Variants in AK9 observed in about 807,000 individuals in gnomAD.
The protein encoded by AK9 is adenylate kinase 9.
In AK9, 191 loss-of-function variants were observed where a neutral mutation model predicts 239.6. The observed-to-expected ratio is 0.80, with a 90% CI of 0.71 to 0.90. The LOEUF (loss-of-function observed/expected upper bound fraction) is 0.90. AK9 is among the 40% of genes least tolerant of loss of function. The pLI, the probability that AK9 is intolerant of heterozygous loss-of-function variation, is 0.00. For synonymous variants in AK9, 689 were observed against 721.0 expected, an observed-to-expected ratio of 0.96 and a Z score of 0.71; for missense variants, 1,995 against 2,214.7, an observed-to-expected ratio of 0.90 and a Z score of 1.99.
intron 8 of AK9, among the ~76,000 whole-genome samples, chr6:109,653,116 G>C (rs558865069): frequency 6.6e-6 from 1 of 152,168 alleles, no homozygotes; most frequent in African/African-American, 2.4e-5. Context: ...TAGTAGAGAG[G>C]CGGTTTCACC....
chr6:109,545,554 T>A (rs1434759596), intron 26 of AK9, among the ~76,000 whole-genome samples: 1 of 152,190 alleles, frequency 6.6e-6, no homozygotes, highest in Non-Finnish European at 1.5e-5. Context: ...CCACGTAAGA[T>A]GTGATTTGCT....
intron 35 of AK9, among the ~76,000 whole-genome samples, chr6:109,500,399 G>A (rs1777492439): frequency 6.6e-6 from 1 of 152,150 alleles, no homozygotes; most frequent in Non-Finnish European, 1.5e-5. Flanking sequence ...CCACTGGAAT[G>A]GGGACTTCAA....
intron 35 of AK9, among the ~76,000 whole-genome samples, chr6:109,500,889 A>G (rs1777540117): frequency 6.6e-6 from 1 of 152,106 alleles, no homozygotes; most frequent in African/African-American, 2.4e-5. Context: ...GTGGTGGCAC[A>G]TGCCTGTAGT....
chr6:109,668,541 T>C (rs1801594072), intron 5 of AK9, among the ~76,000 whole-genome samples: 1 of 150,544 alleles, frequency 6.6e-6, no homozygotes, highest in South Asian at 2.2e-4. Flanking sequence ...GTCTAACATT[T>C]AAGTCTTTAA....
chr6:109,599,683 G>A (rs1394990828), intron 17 of AK9, among the ~76,000 whole-genome samples: 11 of 152,192 alleles, frequency 7.2e-5, no homozygotes, highest in African/African-American at 1.2e-4. Flanking sequence ...CCATTTTCAC[G>A]ATATTGATTC....
chr6:109,525,595 G>C (rs953921430), intron 29 of AK9, among the ~76,000 whole-genome samples: 2 of 152,086 alleles, frequency 1.3e-5, no homozygotes, highest in Admixed American at 6.6e-5. Flanking sequence ...AATGCAAATC[G>C]AAAACACAGT....
chr6:109,594,010 G>A (rs1348966344), intron 17 of AK9, among the ~76,000 whole-genome samples: 13 of 152,122 alleles, frequency 8.5e-5, no homozygotes, highest in Non-Finnish European at 1.6e-4. Flanking sequence ...AGAAGTTCTG[G>A]CCAGGAAAAT....
chr6:109,619,486 TCA>T (rs1794571970), intron 12 of AK9, among the ~76,000 whole-genome samples: 1 of 152,086 alleles, frequency 6.6e-6, no homozygotes, highest in Admixed American at 6.6e-5. Flanking sequence ...GTATATATAT[TCA>T]GATTATGTAT....
intron 1 of AK9, among the ~76,000 whole-genome samples, chr6:109,683,337 A>C (rs1357586105): frequency 6.6e-6 from 1 of 152,206 alleles, no homozygotes; most frequent in Non-Finnish European, 1.5e-5. Flanking sequence ...GAAAACTGGC[A>C]CAAAACAAGG....
At chr6:109,510,332 TG>T (rs1778595710) in intron 32 of AK9, among the ~76,000 whole-genome samples, 1 of 152,062 alleles carries the variant, frequency 6.6e-6, no homozygotes. Flanking sequence ...GTACCCTCTC[TG>T]TTGACAGTGG....
intron 26 of AK9, among the ~76,000 whole-genome samples, chr6:109,545,027 A>G (rs1215309666): frequency 6.6e-6 from 1 of 152,220 alleles, no homozygotes; most frequent in Non-Finnish European, 1.5e-5. Flanking sequence ...TATTTAGCAT[A>G]TGATGAATAT....
At chr6:109,525,232 A>G (rs1439703070) in intron 29 of AK9, among the ~76,000 whole-genome samples, 1 of 152,146 alleles carries the variant, frequency 6.6e-6, no homozygotes, top group African/African-American at 2.4e-5. Context: ...TTGTACCAGT[A>G]CCATGCTGTT....
intron 27 of AK9, among the ~76,000 whole-genome samples, chr6:109,538,651 A>C (rs1173700838): frequency 6.6e-6 from 1 of 151,812 alleles, no homozygotes; most frequent in Non-Finnish European, 1.5e-5. Flanking sequence ...TGTCATTATG[A>C]TATTAGCTGG....
At chr6:109,533,784 C>T (rs1256440326) in intron 27 of AK9, among the ~76,000 whole-genome samples, 1 of 151,800 alleles carries the variant, frequency 6.6e-6, no homozygotes, top group African/African-American at 2.4e-5. Context: ...TATAATATTC[C>T]ATACATATAT....
At chr6:109,550,934 T>C (rs1445826148) in intron 24 of AK9, among the ~76,000 whole-genome samples, 1 of 152,228 alleles carries the variant, frequency 6.6e-6, no homozygotes, top group East Asian at 1.9e-4. Flanking sequence ...CACATCACAA[T>C]GTATAAAAAG....
rs575127603 is a variant in AK9, at chr6:109,648,600, T to C, written c.760-3912A>G. ...GCTCTGAAATTGACGCAATAATCAA[T>C]AGCTTACCAAACAAAAAGAGTCCAG... On this transcript the variant is annotated intron_variant, in intron 8 of 40. Transcript: ENST00000424296. 3.9e-5 allele frequency among the ~76,000 whole-genome samples: 6 copies of C among 152,264 alleles called. 1 individual carries two copies. Among genetic ancestry groups the C allele is most frequent in the African/African-American group, 1.4e-4 (6 of 41,540 alleles).
intron 24 of AK9, among the ~76,000 whole-genome samples, chr6:109,553,433 A>T (rs1375603103): frequency 6.6e-6 from 1 of 152,048 alleles, no homozygotes; most frequent in Non-Finnish European, 1.5e-5. Context: ...TGTTAGCTGT[A>T]TTCCTAGGTA....
chr6:109,555,291 G>T (rs1271593518), intron 24 of AK9, among the ~76,000 whole-genome samples: 1 of 152,162 alleles, frequency 6.6e-6, no homozygotes, highest in African/African-American at 2.4e-5. Flanking sequence ...TCAGGAGCAG[G>T]TTGTTCAATT....
At chr6:109,604,603 C>T (rs1427507511) in intron 17 of AK9, among the ~76,000 whole-genome samples, 1 of 152,128 alleles carries the variant, frequency 6.6e-6, no homozygotes, top group Admixed American at 6.5e-5. Flanking sequence ...GGCCTATATA[C>T]CATTTTAGCA....
Sources: allele counts gnomAD v4.1 joint callset (sites outside exome capture counted in the v4.1 genomes callset), GRCh38; gene constraint gnomAD v4.1.1; transcripts MANE v1.5; gene names NCBI Gene and HGNC (gene_info 2026-07-23, HGNC 2026-07-21).